Variants in FNDC1 observed in about 807,000 individuals in gnomAD.
The protein encoded by FNDC1 is fibronectin type III domain-containing protein 1.
A neutral mutation model predicts 168.0 loss-of-function variants in FNDC1; 96 were observed. The ratio of observed to expected loss-of-function variants is 0.57; its 90% CI spans 0.48 to 0.68. The LOEUF (loss-of-function observed/expected upper bound fraction) is 0.68, where lower values mean the gene tolerates loss of function less well. FNDC1 is among the 30% of genes least tolerant of loss of function. FNDC1 has a pLI of 0.00. For missense variants in FNDC1, 2,587 were observed against 2,482.1 expected (o/e 1.04, Z -0.90); for synonymous variants, 1,099 against 1,025.9 (o/e 1.07, Z -1.36).
At chr6:159,251,035 G>T (rs1228421269) in intron 16 of FNDC1, among the ~76,000 whole-genome samples, 1 of 152,178 alleles carries the variant, frequency 6.6e-6, no homozygotes, top group Non-Finnish European at 1.5e-5. Context: ...ATAGTTTCAT[G>T]ATCTCTCAAA....
chr6:159,264,097 A>T (rs1314154278), intron 19 of FNDC1, among the ~76,000 whole-genome samples: 2 of 152,232 alleles, frequency 1.3e-5, no homozygotes, highest in Non-Finnish European at 2.9e-5. Flanking sequence ...GCATACAGTA[A>T]CCTGCACCTA....
At chr6:159,228,389 A>C (rs1180434144) in intron 9 of FNDC1, among the ~76,000 whole-genome samples, 1 of 152,192 alleles carries the variant, frequency 6.6e-6, no homozygotes, top group Non-Finnish European at 1.5e-5. Context: ...AGATGGATTT[A>C]ATTTATTTTA....
At chr6:159,263,686 T>C (rs9347296) in intron 19 of FNDC1, among the ~76,000 whole-genome samples, 96,636 of 152,096 alleles carry the variant, frequency 0.64, 32,195 homozygotes, top group Middle Eastern at 0.75. Flanking sequence ...GGCGTGAAGC[T>C]GGGAGACGGA....
chr6:159,181,321 G>A (rs1781873600), intron 1 of FNDC1, among the ~76,000 whole-genome samples: 1 of 152,222 alleles, frequency 6.6e-6, no homozygotes, highest in Non-Finnish European at 1.5e-5. Context: ...CCCCTGAGAT[G>A]CATTGTGTGC....
intron 17 of FNDC1, 103 bp downstream of exon 17, chr6:159,251,635 G>T: frequency 1.1e-6 from 1 of 870,942 alleles, no homozygotes; most frequent in Non-Finnish European, 1.8e-6. Context: ...GGATGAGTGG[G>T]TTGGATGGGT....
intron 4 of FNDC1, among the ~76,000 whole-genome samples, chr6:159,208,989 A>G (rs890591075): frequency 2.5e-4 from 38 of 151,846 alleles, no homozygotes; most frequent in Non-Finnish European, 4.3e-4. Context: ...CTGGGATTAC[A>G]GGTGCATGCC....
intron 16 of FNDC1, among the ~76,000 whole-genome samples, chr6:159,250,915 G>T (rs1243015494): frequency 3.9e-5 from 6 of 152,210 alleles, no homozygotes; most frequent in African/African-American, 1.4e-4. Flanking sequence ...TCAAGGAAAT[G>T]AACTGTGTTG....
chr6:159,185,073 G>GT (rs1177048061), intron 1 of FNDC1, among the ~76,000 whole-genome samples: 1 of 101,960 alleles, frequency 9.8e-6, no homozygotes, highest in Non-Finnish European at 1.8e-5. Flanking sequence ...AGGGTGGGGG[G>GT]GGGGGAATCT....
intron 1 of FNDC1, among the ~76,000 whole-genome samples, chr6:159,192,091 T>C (rs991187878): frequency 1.3e-5 from 2 of 152,258 alleles, no homozygotes; most frequent in South Asian, 4.1e-4. Flanking sequence ...TTGCTCAGAC[T>C]GGTCTCAAAC....
intron 7 of FNDC1, 63 bp from the exon 8 acceptor site, chr6:159,225,472 C>T (rs1411179821): frequency 1.1e-5 from 14 of 1,313,924 alleles, no homozygotes; most frequent in East Asian, 4.9e-5. Context: ...GGAAAAACAG[C>T]GAGGCATCTA....
intron 9 of FNDC1, 47 bp from the exon 10 acceptor site, chr6:159,229,768 G>A: frequency 6.5e-7 from 1 of 1,549,888 alleles, no homozygotes; most frequent in Non-Finnish European, 8.8e-7. Context: ...CTGGACACAG[G>A]ACTGTTTTCA....
chr6:159,241,813 A>G (rs887902150), intron 14 of FNDC1, among the ~76,000 whole-genome samples: 10 of 152,208 alleles, frequency 6.6e-5, no homozygotes. Context: ...TATTTAATCC[A>G]TACATGTCGA....
intron 17 of FNDC1, among the ~76,000 whole-genome samples, chr6:159,254,226 T>G (rs1442210060): frequency 6.6e-6 from 1 of 152,172 alleles, no homozygotes; most frequent in African/African-American, 2.4e-5. Flanking sequence ...CTCAACCTCT[T>G]CATCTCCTTG....
chr6:159,174,090 G>A (rs1781714167), intron 1 of FNDC1, among the ~76,000 whole-genome samples: 1 of 152,198 alleles, frequency 6.6e-6, no homozygotes, highest in Non-Finnish European at 1.5e-5. Context: ...TTAAAAAATA[G>A]AGGTATTTAA....
intron 4 of FNDC1, among the ~76,000 whole-genome samples, chr6:159,206,997 G>A (rs1782498787): frequency 6.6e-6 from 1 of 152,218 alleles, no homozygotes; most frequent in African/African-American, 2.4e-5. Flanking sequence ...CCATTCTTTA[G>A]GTAATAAAAA....
rs184669388 is a variant in FNDC1 at position 159,229,994 on chromosome 6, A to G, written c.1360A>G (p.Met454Val). The G allele has an allele frequency of 5.6e-6, 9 of 1,613,482 alleles. No individual in the cohort carries two copies. The East Asian group carries it at 6.7e-5, about 12-fold the overall frequency. The change falls in exon 10 of 23, where the codon ATG (methionine) becomes GTG (valine). Residue 454 changes from methionine to valine, a missense_variant. Met to Val is a conservative substitution (Grantham distance 21, BLOSUM62 1). Coordinates refer to ENST00000297267, the MANE Select transcript of FNDC1 (RefSeq NM_032532.3). ...GPHSKAFIVA[M>V]PTTSKADVEQ... Reference sequence around the variant, plus strand: ...TCACTCCAAAGCCTTCATTGTCGCTATGCCAACAAGTAAGCATTATGTGTC... The same window carrying G: ...TCACTCCAAAGCCTTCATTGTCGCTGTGCCAACAAGTAAGCATTATGTGTC...
At chr6:159,255,360 A>G (rs909297036) in intron 17 of FNDC1, among the ~76,000 whole-genome samples, 3 of 152,086 alleles carry the variant, frequency 2.0e-5, no homozygotes, top group Admixed American at 2.0e-4. Context: ...CTTATCCTTC[A>G]GATGTCAACT....
chr6:159,258,777 A>G (rs547159605), intron 18 of FNDC1, among the ~76,000 whole-genome samples: 2 of 152,304 alleles, frequency 1.3e-5, no homozygotes, highest in Admixed American at 6.5e-5. Context: ...TACAAGTGTG[A>G]TGTAAGGACA....
Position 159,233,695 on chromosome 6 carries a change from A to C in FNDC1, c.3183A>C (p.Arg1061Ser). 1.9e-6 allele frequency: 3 copies of C among 1,549,680 alleles called. No individual in the cohort carries two copies. The highest frequency in any genetic ancestry group is 1.2e-5 in the South Asian group (1 of 84,046). Residue 1061 changes from arginine (R) to serine (S), a missense_variant, in exon 11 of 23, where the codon AGA (arginine) becomes AGC (serine). By Grantham distance (110) the Arg-to-Ser change is moderately radical. Coordinates refer to ENST00000297267, the MANE Select transcript of FNDC1 (RefSeq NM_032532.3). The surrounding 1 kb of genome is among the most constrained non-coding windows in gnomAD (Gnocchi z 4.6). Reference sequence around the variant, plus strand: ...CGGACCCTTACACGGCGAGCTCCAGAGGGATGCTCCCCACGGCCCTCCAGA... The same window carrying C: ...CGGACCCTTACACGGCGAGCTCCAGCGGGATGCTCCCCACGGCCCTCCAGA... Reference protein sequence around the residue: ...SSSDPYTASSRGMLPTALQNQ... With the variant: ...SSSDPYTASSSGMLPTALQNQ...
Sources: allele counts gnomAD v4.1 joint callset (sites outside exome capture counted in the v4.1 genomes callset), GRCh38; gene constraint gnomAD v4.1.1; non-coding constraint Gnocchi (gnomAD v3.1); transcripts MANE v1.5; gene names NCBI Gene and HGNC (gene_info 2026-07-23, HGNC 2026-07-21).